Variants in TRIB2 observed in about 807,000 individuals in gnomAD.
The protein encoded by TRIB2 is tribbles homolog 2.
TRIB2 carries 2 observed loss-of-function variants against 26.8 expected under a neutral mutation model. That is an observed-to-expected ratio of 0.07 (90% CI 0.03 to 0.24). TRIB2 has a LOEUF of 0.24. Among genes scored for constraint, TRIB2 ranks in the 10% least tolerant of loss-of-function variants. The pLI is 1.00. For missense variants in TRIB2, 306 were observed against 449.0 expected, an observed-to-expected ratio of 0.68 and a Z score of 2.88; for synonymous variants, 189 against 187.3, an observed-to-expected ratio of 1.01 and a Z score of -0.08.
intron 2 of TRIB2, among the ~76,000 whole-genome samples, chr2:12,733,845 G>A (rs1264190697): frequency 1.3e-5 from 2 of 152,098 alleles, no homozygotes; most frequent in Non-Finnish European, 2.9e-5. Flanking sequence ...ACTTAGTGGC[G>A]CAAGGGAGCT....
Position 12,718,981 on chromosome 2 carries a change from C to T in TRIB2, c.270+404C>T, listed in dbSNP as rs1007787219. ...TAATTTTAAGACTGATGACTTCGTT[C>T]TTTTCGCAGCCATTGTTCTTAGCAG... On this transcript the variant is annotated intron_variant, in intron 1 of 2. Transcript: ENST00000155926. This position sits in a 1 kb window ranked among gnomAD's most constrained non-coding sequence, Gnocchi z 4.0. 6.6e-6 allele frequency among the ~76,000 whole-genome samples: 1 copy of T among 152,206 alleles called. No homozygotes were observed. Among genetic ancestry groups the T allele is most frequent in the African/African-American group, 2.4e-5 (1 of 41,452 alleles).
chr2:12,718,114 C>A lies in TRIB2; in HGVS notation c.-194C>A, dbSNP rs891673976. ...CGACCGAGGACCCCCGGGAGCCGGG[C>A]TCGGAGCAGACGAGGTATCCGGCGG... On this transcript the variant is annotated 5_prime_UTR_variant, in exon 1 of 3. Coordinates refer to ENST00000155926, the MANE Select transcript of TRIB2 (RefSeq NM_021643.4). The surrounding 1 kb of genome is among the most constrained non-coding windows in gnomAD (Gnocchi z 4.0). 1 of 742,364 alleles carries A rather than the reference C, an allele frequency of 1.3e-6. No individual in the cohort carries two copies. The highest frequency in any genetic ancestry group is 3.1e-5 in the Admixed American group (1 of 32,566). The allele number at this position is 742,364 out of a possible 1,614,324, so 46.0% of individuals were successfully genotyped here. A position where few individuals can be genotyped will look rare whatever the true frequency, so the allele number is the denominator to read the frequency against.
intron 2 of TRIB2, among the ~76,000 whole-genome samples, chr2:12,733,034 G>GC (rs2103256559): frequency 6.6e-6 from 1 of 151,046 alleles, no homozygotes; most frequent in East Asian, 2.0e-4. Context: ...ATCTCTTCCT[G>GC]CCAAGGGCCC....
intron 2 of TRIB2, among the ~76,000 whole-genome samples, chr2:12,723,792 A>C (rs1186933349): frequency 6.6e-6 from 1 of 152,232 alleles, no homozygotes; most frequent in East Asian, 1.9e-4. Context: ...TCTGTGACCC[A>C]ATGAATATGT....
At chr2:12,726,412 C>T (rs1405987956) in intron 2 of TRIB2, among the ~76,000 whole-genome samples, 1 of 152,224 alleles carries the variant, frequency 6.6e-6, no homozygotes, top group African/African-American at 2.4e-5. Context: ...TGGTGGCCTA[C>T]ATGGAGCACA....
rs1280799640 is a variant in TRIB2, at chr2:12,723,454, G to A, written c.465G>A (p.Leu155=). The change falls in exon 2 of 3, where the codon CTG becomes CTA. Residue 155 remains leucine (L), a synonymous_variant. Transcript: ENST00000155926. ...KKLREEEAAR[L]FYQIASAVAH... is the part of the protein sequence containing the mutation. ...TGAGAGAGGAGGAGGCAGCCAGACT[G>A]TTCTACCAGATTGCCTCGGCAGTGG... The A allele has an allele frequency of 5.0e-6, 8 of 1,614,240 alleles. No homozygotes were observed. The highest frequency in any genetic ancestry group is 6.8e-6 in the Non-Finnish European group (8 of 1,180,040).
intron 1 of TRIB2, among the ~76,000 whole-genome samples, chr2:12,722,945 T>C (rs979016015): frequency 3.9e-5 from 6 of 152,360 alleles, no homozygotes; most frequent in African/African-American, 1.4e-4. Context: ...ACAAAAGTAA[T>C]GAAAATTATT....
intron 2 of TRIB2, among the ~76,000 whole-genome samples, chr2:12,735,112 G>A (rs1208062583): frequency 6.6e-6 from 1 of 152,168 alleles, no homozygotes; most frequent in Non-Finnish European, 1.5e-5. Flanking sequence ...TTCCTCTCGC[G>A]TGGTATGCAT....
Position 12,723,062 on chromosome 2 carries a change from A to G in TRIB2, c.271-198A>G, listed in dbSNP as rs550604863. On this transcript the variant is annotated intron_variant, in intron 1 of 2. Transcript: ENST00000155926. Reference sequence around the variant, plus strand: ...TCAGTTTCCCATGTTGTACGTAAAGATTTGGAGGCTCCGAGAGGTTAAGTG... The same window carrying G: ...TCAGTTTCCCATGTTGTACGTAAAGGTTTGGAGGCTCCGAGAGGTTAAGTG... 5.3e-5 allele frequency among the ~76,000 whole-genome samples: 8 copies of G among 152,128 alleles called. No individual in the cohort carries two copies. In the South Asian group the frequency reaches 1.0e-3, roughly 20 times the overall value.
At chr2:12,729,476 C>T (rs1661408634) in intron 2 of TRIB2, among the ~76,000 whole-genome samples, 1 of 152,162 alleles carries the variant, frequency 6.6e-6, no homozygotes, top group African/African-American at 2.4e-5. Context: ...GTATACATCC[C>T]CTATGGAGAC....
In TRIB2 at chr2:12,740,193, G is replaced by A. The variant is rs1661682845; in HGVS notation, c.564-133G>A. 5.6e-6 allele frequency: 5 copies of A among 896,694 alleles called. No homozygotes were observed. The highest frequency in any genetic ancestry group is 1.7e-6 in the Non-Finnish European group (1 of 590,720). 55.5% of individuals were successfully genotyped at this position (896,694 alleles called of 1,614,324 possible). The stretch of plus-strand genomic sequence containing the variant: ...GTGCTCAGTGAGTAATGTTTGGCTG[G>A]TCAGATGAATGCGTGAATGAATGAA... On this transcript the variant is annotated intron_variant, in intron 2 of 2. Transcript: ENST00000155926. This position sits in a 1 kb window ranked among gnomAD's most constrained non-coding sequence, Gnocchi z 5.8.
intron 2 of TRIB2, among the ~76,000 whole-genome samples, chr2:12,731,692 G>A (rs1039139305): frequency 2.0e-5 from 3 of 152,164 alleles, no homozygotes; most frequent in South Asian, 2.1e-4. Flanking sequence ...ACGTGCCTAC[G>A]CGCACATCTC....
intron 1 of TRIB2, 33 bp from the exon 2 acceptor site, chr2:12,723,227 C>T (rs765176244): frequency 1.3e-6 from 2 of 1,592,012 alleles, no homozygotes; most frequent in South Asian, 2.3e-5. Context: ...AGAGGCACCT[C>T]TGACTTTGGT....
intron 2 of TRIB2, among the ~76,000 whole-genome samples, chr2:12,725,402 G>C (rs1170070310): frequency 6.6e-6 from 1 of 152,196 alleles, no homozygotes; most frequent in African/African-American, 2.4e-5. Flanking sequence ...TTGGTTTGCT[G>C]CCAGGAGGCA....
chr2:12,738,064 G>A (rs1435181440), intron 2 of TRIB2, among the ~76,000 whole-genome samples: 1 of 152,188 alleles, frequency 6.6e-6, no homozygotes, highest in Non-Finnish European at 1.5e-5. Flanking sequence ...GTCACTCCTT[G>A]AGCTTTGAAC....
chr2:12,725,514 C>T (rs1404776032), intron 2 of TRIB2, among the ~76,000 whole-genome samples: 2 of 152,204 alleles, frequency 1.3e-5, no homozygotes, highest in East Asian at 1.9e-4. Flanking sequence ...TTACTCCCAC[C>T]CAGCCTTTGC....
rs182738327 is a variant in TRIB2, at chr2:12,727,374, C to T, written c.563+3822C>T. Among the ~76,000 whole-genome samples the T allele has an allele frequency of 6.6e-5, 10 of 152,248 alleles. No individual in the cohort carries two copies. The East Asian group carries it at 1.4e-3, about 21-fold the overall frequency. On this transcript the variant is annotated intron_variant, in intron 2 of 2. Coordinates refer to ENST00000155926, the MANE Select transcript of TRIB2 (RefSeq NM_021643.4). ...TCAGTGGGTTCTTGAAGAATTAAGT[C>T]GCTCGCCTGGGCAGCCTATTCAGTG...
intron 2 of TRIB2, among the ~76,000 whole-genome samples, chr2:12,724,475 G>A (rs1033476198): frequency 2.0e-5 from 3 of 152,208 alleles, no homozygotes; most frequent in East Asian, 1.9e-4. Flanking sequence ...ATTGCTCACC[G>A]TAGTTCCTGA....
rs1161770347 is a variant in TRIB2, at chr2:12,741,862, TG to T, written c.*1070del. ...TTAAGGCTTGTAAGGCCCTCTGGTTTGGACAAAAACCCTCAGTAGAGACAAG... is the reference window on the plus strand; with the variant it reads ...TTAAGGCTTGTAAGGCCCTCTGGTTTGACAAAAACCCTCAGTAGAGACAAG... On this transcript the variant is annotated 3_prime_UTR_variant, in exon 3 of 3. Transcript: ENST00000155926. The T allele has an allele frequency of 6.5e-6, 1 of 152,694 alleles. No individual in the cohort carries two copies. Among genetic ancestry groups the T allele is most frequent in the African/African-American group, 2.4e-5 (1 of 41,468 alleles). The allele number at this position is 152,694 out of a possible 1,614,324, so 9.5% of individuals were successfully genotyped here. A position where few individuals can be genotyped will look rare whatever the true frequency, so the allele number is the denominator to read the frequency against.
Sources: allele counts gnomAD v4.1 joint callset (sites outside exome capture counted in the v4.1 genomes callset), GRCh38; gene constraint gnomAD v4.1.1; non-coding constraint Gnocchi (gnomAD v3.1); transcripts MANE v1.5; gene names NCBI Gene and HGNC (gene_info 2026-07-23, HGNC 2026-07-21).